The following CDKN2B-AS1 variants were observed in gnomAD, a reference collection of about 807,000 sequenced individuals.
CDKN2B-AS1 encodes CDKN2B and CDKN2A antisense cis and trans regulatory RNA 1, also known as CDKN2B antisense RNA 1 (non-protein coding).
chr9:22,121,477 G>T (rs528711624), intron 4 of CDKN2B-AS1, among the ~76,000 whole-genome samples: 1 of 152,116 alleles, frequency 6.6e-6, no homozygotes, highest in East Asian at 1.9e-4. Flanking sequence ...CCTATAGTGG[G>T]TATAGAACAC....
chr9:22,124,894 C>T (rs1043072653), intron 4 of CDKN2B-AS1, among the ~76,000 whole-genome samples: 16 of 152,324 alleles, frequency 1.1e-4, no homozygotes, highest in Admixed American at 2.6e-4. Context: ...AATGTCTACA[C>T]GCAAATGAGA....
At chr9:22,022,347 G>A (rs1425220317) in intron 1 of CDKN2B-AS1, among the ~76,000 whole-genome samples, 60 of 151,916 alleles carry the variant, frequency 3.9e-4, no homozygotes, top group Non-Finnish European at 4.4e-5. Context: ...TGTGTTGGGT[G>A]TATATATATT....
chr9:22,110,362 T>C (rs1016577668), intron 4 of CDKN2B-AS1, among the ~76,000 whole-genome samples: 5 of 152,158 alleles, frequency 3.3e-5, no homozygotes, highest in Non-Finnish European at 7.4e-5. Flanking sequence ...TGAGTAAAGT[T>C]TGAAAACCAT....
chr9:22,012,399 T>C (rs900079535), intron 1 of CDKN2B-AS1: 1 of 814,084 alleles, frequency 1.2e-6, no homozygotes, highest in Non-Finnish European at 2.2e-6. Context: ...GAGCCTTCAC[T>C]CTTCCAGCTC....
At chr9:22,101,005 C>T (rs1825462594) in intron 4 of CDKN2B-AS1, among the ~76,000 whole-genome samples, 1 of 152,148 alleles carries the variant, frequency 6.6e-6, no homozygotes, top group Non-Finnish European at 1.5e-5. Context: ...TTGTTTACCT[C>T]CCTATTCTTG....
chr9:22,024,370 C>T (rs568879401), intron 1 of CDKN2B-AS1, among the ~76,000 whole-genome samples: 4 of 152,298 alleles, frequency 2.6e-5, no homozygotes, highest in East Asian at 1.9e-4. Flanking sequence ...GGGGTGCCTG[C>T]CTCCCTGCAG....
At position 21,998,734 on chromosome 9, in the gene CDKN2B-AS1, T is replaced by C. The variant is rs3218010; in HGVS notation, n.29+3573T>C. On this transcript the variant is annotated intron_variant and non_coding_transcript_variant, in intron 1 of 4. Coordinates refer to ENST00000650946, the Ensembl canonical transcript of CDKN2B-AS1. ...TCTTACTGAATATCCCTTGTCTTGTTCTCCTCCTCCCCAAACTTAATGTCC... is the reference window on the plus strand; with the variant it reads ...TCTTACTGAATATCCCTTGTCTTGTCCTCCTCCTCCCCAAACTTAATGTCC... Among the ~76,000 whole-genome samples, 1,388 of 152,300 alleles carry C rather than the reference T, an allele frequency of 9.1e-3. 113 individuals are homozygous for C. In the East Asian group the frequency reaches 0.2, roughly 22 times the overall value.
intron 4 of CDKN2B-AS1, among the ~76,000 whole-genome samples, chr9:22,099,294 A>G (rs980496078): frequency 1.3e-5 from 2 of 152,196 alleles, no homozygotes; most frequent in Non-Finnish European, 2.9e-5. Flanking sequence ...TGAATGCCAC[A>G]TTCAGTTATG....
At position 22,039,778 on chromosome 9, in the gene CDKN2B-AS1, A is replaced by G. The variant is rs1822827935; in HGVS notation, n.30-6973A>G. ...TCAAAATTTTTTCATTCCATTTGTTATGGGCTGAATTGTGTTCCCCCGAAA... is the reference window on the plus strand; with the variant it reads ...TCAAAATTTTTTCATTCCATTTGTTGTGGGCTGAATTGTGTTCCCCCGAAA... On this transcript the variant is annotated intron_variant and non_coding_transcript_variant, in intron 1 of 4. Coordinates refer to ENST00000650946, the Ensembl canonical transcript of CDKN2B-AS1. This position sits in a 1 kb window ranked among gnomAD's most constrained non-coding sequence, Gnocchi z 4.4. 6.6e-6 allele frequency among the ~76,000 whole-genome samples: 1 copy of G among 152,048 alleles called. No homozygotes were observed. The highest frequency in any genetic ancestry group is 2.1e-4 in the South Asian group (1 of 4,814).
chr9:22,087,814 A>G (rs1351634504), intron 4 of CDKN2B-AS1, among the ~76,000 whole-genome samples: 9 of 152,198 alleles, frequency 5.9e-5, no homozygotes, highest in Admixed American at 2.0e-4. Context: ...TTCACTAACT[A>G]TAAATTGAAA....
At chr9:22,025,130 C>T (rs916785758) in intron 1 of CDKN2B-AS1, among the ~76,000 whole-genome samples, 2 of 152,208 alleles carry the variant, frequency 1.3e-5, no homozygotes, top group East Asian at 3.9e-4. Flanking sequence ...TGCTGCTCTA[C>T]CACTTTGCTT....
intron 1 of CDKN2B-AS1, chr9:22,030,066 G>A (rs1030728545): frequency 3.3e-5 from 5 of 152,106 alleles, no homozygotes; most frequent in Admixed American, 1.3e-4. Context: ...TTTCAGTTAC[G>A]TTTATAACTT....
intron 1 of CDKN2B-AS1, among the ~76,000 whole-genome samples, chr9:22,007,580 T>C (rs979345863): frequency 1.3e-5 from 2 of 152,210 alleles, no homozygotes; most frequent in Non-Finnish European, 2.9e-5. Flanking sequence ...TATGGGTTTA[T>C]GCACTTTAAA....
At chr9:22,047,284 G>C (rs1823147320) in intron 2 of CDKN2B-AS1, among the ~76,000 whole-genome samples, 1 of 152,098 alleles carries the variant, frequency 6.6e-6, no homozygotes, top group African/African-American at 2.4e-5. Context: ...GCATAAAGGA[G>C]ACACTCATTA....
intron 4 of CDKN2B-AS1, among the ~76,000 whole-genome samples, chr9:22,101,756 C>G (rs1023068593): frequency 6.7e-6 from 1 of 149,710 alleles, no homozygotes; most frequent in African/African-American, 2.5e-5. Context: ...CATAGAAAAA[C>G]TAAGAAGAGA....
intron 4 of CDKN2B-AS1, among the ~76,000 whole-genome samples, chr9:22,056,684 T>C (rs1255238438): frequency 6.6e-6 from 1 of 152,196 alleles, no homozygotes; most frequent in Non-Finnish European, 1.5e-5. Flanking sequence ...TTAAGTGATG[T>C]CAGCTTCAGT....
intron 4 of CDKN2B-AS1, chr9:22,120,002 G>A (rs1431889955): frequency 1.3e-5 from 2 of 152,184 alleles, no homozygotes; most frequent in African/African-American, 2.4e-5. Flanking sequence ...GAAGTTAGTA[G>A]CTGTGTGATC....
intron 4 of CDKN2B-AS1, among the ~76,000 whole-genome samples, chr9:22,106,051 C>T (rs533815528): frequency 5.4e-4 from 82 of 152,230 alleles, no homozygotes; most frequent in African/African-American, 1.9e-3. Context: ...GCTGGGATTA[C>T]AGGCACCTGC....
intron 1 of CDKN2B-AS1, chr9:22,029,842 T>A (rs1269180352): frequency 4.8e-6 from 1 of 206,270 alleles, no homozygotes; most frequent in Non-Finnish European, 9.6e-6. Flanking sequence ...TTAGGAAAAA[T>A]GTGTTTTCTA....
Sources: gnomAD v4.1 joint callset for allele counts (sites outside exome capture counted in the v4.1 genomes callset) on GRCh38, gnomAD v4.1.1 for gene constraint, Gnocchi (gnomAD v3.1) non-coding constraint, MANE v1.5 for transcripts, NCBI Gene and HGNC (gene_info 2026-07-23, HGNC 2026-07-21) for gene names.